RAB3B: variants seen among roughly 807,000 people sequenced by gnomAD.
RAB3B encodes ras-related protein Rab-3B.
RAB3B carries 11 observed loss-of-function variants against 20.5 expected under a neutral mutation model. The ratio of observed to expected loss-of-function variants is 0.54; its 90% confidence interval spans 0.34 to 0.89. The LOEUF is 0.89. Among genes scored for constraint, RAB3B ranks in the 40% least tolerant of loss-of-function variants. The pLI is 0.02. For synonymous variants in RAB3B, 99 were observed against 106.3 expected (o/e 0.93, Z 0.42); for missense variants, 225 against 280.9 (o/e 0.80, Z 1.42).
intron 2 of RAB3B, among the ~76,000 whole-genome samples, chr1:51,956,457 A>T (rs1325159724): frequency 6.6e-6 from 1 of 152,142 alleles, no homozygotes; most frequent in Admixed American, 6.5e-5. Flanking sequence ...TTAACCCCTA[A>T]GTTATACTGC....
intron 2 of RAB3B, 139 bp downstream of exon 2, chr1:51,976,751 C>T: frequency 1.4e-6 from 1 of 721,226 alleles, no homozygotes; most frequent in Non-Finnish European, 2.3e-6. Flanking sequence ...AGAGGGTAGC[C>T]CAGGGGCCAC....
intron 1 of RAB3B, among the ~76,000 whole-genome samples, chr1:51,988,841 A>G (rs1685181568): frequency 1.3e-5 from 2 of 151,950 alleles, no homozygotes; most frequent in South Asian, 2.1e-4. Flanking sequence ...CTGAAGATCT[A>G]TTTCTTGGAC....
At chr1:51,926,332 A>G (rs1684243623) in intron 4 of RAB3B, among the ~76,000 whole-genome samples, 1 of 152,194 alleles carries the variant, frequency 6.6e-6, no homozygotes, top group Non-Finnish European at 1.5e-5. Flanking sequence ...TGCCTGCAAG[A>G]GATTTTATAC....
At chr1:51,954,360 G>A (rs1436394259) in intron 2 of RAB3B, among the ~76,000 whole-genome samples, 1 of 152,174 alleles carries the variant, frequency 6.6e-6, no homozygotes, top group South Asian at 2.1e-4. Flanking sequence ...AAAATTCATA[G>A]AGAAGAAACT....
chr1:51,936,219 G>A (rs946419936), intron 3 of RAB3B, among the ~76,000 whole-genome samples: 3 of 152,106 alleles, frequency 2.0e-5, no homozygotes, highest in African/African-American at 4.8e-5. Context: ...ATCTGAGCAG[G>A]GACACTGGGT....
chr1:51,911,299 C>A lies in RAB3B; in HGVS notation c.*8628G>T, dbSNP rs572194476. ...CAGGTACAAGAAGAGAGGATGGAGA[C>A]GAGGGTAGGCTTCTTTTCAGATTAT... On this transcript the variant is annotated 3_prime_UTR_variant, in exon 5 of 5. Transcript: ENST00000371655. 1 of 152,110 alleles carries A rather than the reference C, an allele frequency of 6.6e-6. No individual in the cohort carries two copies. The highest frequency in any genetic ancestry group is 1.5e-5 in the Non-Finnish European group (1 of 68,038). 9.4% of individuals were successfully genotyped at this position (152,110 alleles called of 1,614,324 possible). A position where few individuals can be genotyped will look rare whatever the true frequency, so the allele number is the denominator to read the frequency against.
intron 2 of RAB3B, among the ~76,000 whole-genome samples, chr1:51,959,882 A>G (rs764317617): frequency 2.6e-5 from 4 of 152,236 alleles, no homozygotes; most frequent in Non-Finnish European, 4.4e-5. Context: ...AAACTGTTCT[A>G]AAAAATAAAG....
At chr1:51,957,486 A>G (rs1571971113) in intron 2 of RAB3B, among the ~76,000 whole-genome samples, 2 of 152,354 alleles carry the variant, frequency 1.3e-5, no homozygotes, top group South Asian at 4.1e-4. Context: ...TAGCTTTGCC[A>G]CTTCTTGGCA....
intron 4 of RAB3B, among the ~76,000 whole-genome samples, chr1:51,932,538 A>G (rs1482106362): frequency 6.6e-6 from 1 of 152,218 alleles, no homozygotes; most frequent in Non-Finnish European, 1.5e-5. Context: ...TTAAGCTTGG[A>G]AAAAGTCAGG....
intron 1 of RAB3B, among the ~76,000 whole-genome samples, chr1:51,978,652 TG>T (rs1223413347): frequency 1.3e-5 from 2 of 152,250 alleles, no homozygotes; most frequent in African/African-American, 4.8e-5. Context: ...TCAGGTACCC[TG>T]CTTCTCCACC....
intron 1 of RAB3B, among the ~76,000 whole-genome samples, chr1:51,979,725 G>A (rs533539641): frequency 1.3e-5 from 2 of 152,040 alleles, no homozygotes; most frequent in Admixed American, 1.3e-4. Context: ...ATTATATTAT[G>A]CAAAAGTGTA....
chr1:51,945,664 C>T (rs1036816408), intron 2 of RAB3B, among the ~76,000 whole-genome samples: 1 of 152,224 alleles, frequency 6.6e-6, no homozygotes, highest in East Asian at 1.9e-4. Flanking sequence ...GTTCCAGGAG[C>T]AGGGCCAGCT....
intron 2 of RAB3B, among the ~76,000 whole-genome samples, chr1:51,938,005 T>C (rs1436195547): frequency 2.0e-5 from 3 of 147,374 alleles, no homozygotes; most frequent in Admixed American, 1.3e-4. Context: ...TCTTTTTTTT[T>C]TTTTTTTTTT....
At chr1:51,940,781 G>C (rs1285570593) in intron 2 of RAB3B, among the ~76,000 whole-genome samples, 3 of 152,076 alleles carry the variant, frequency 2.0e-5, no homozygotes, top group African/African-American at 7.2e-5. Context: ...AAACAACAAG[G>C]TTTTATTTTT....
At chr1:51,985,500 G>A in intron 1 of RAB3B, among the ~76,000 whole-genome samples, 1 of 152,054 alleles carries the variant, frequency 6.6e-6, no homozygotes, top group Non-Finnish European at 1.5e-5. Flanking sequence ...AGAATTAGAG[G>A]GGACTTTGGA....
At chr1:51,975,765 G>C (rs1684999306) in intron 2 of RAB3B, among the ~76,000 whole-genome samples, 1 of 152,112 alleles carries the variant, frequency 6.6e-6, no homozygotes, top group Non-Finnish European at 1.5e-5. Flanking sequence ...AGGCCGAGGT[G>C]GGCGGATCAC....
chr1:51,912,099 CTTTTT>C lies in RAB3B; in HGVS notation c.*7823_*7827del, dbSNP rs977769271. ...TTCTCTTCATTTCTTTCCTTTTCTTCTTTTTTTTCTTTCTTTCTTTCTTTTTTTTT... is the reference window on the plus strand; with the variant it reads ...TTCTCTTCATTTCTTTCCTTTTCTTCTTTCTTTCTTTCTTTCTTTTTTTTT... On this transcript the variant is annotated 3_prime_UTR_variant, in exon 5 of 5. Coordinates refer to ENST00000371655, the MANE Select transcript of RAB3B (RefSeq NM_002867.4). The C allele has an allele frequency of 6.7e-6, 1 of 148,560 alleles. No homozygotes were observed. Among genetic ancestry groups the C allele is most frequent in the African/African-American group, 2.5e-5 (1 of 40,424 alleles). The allele number at this position is 148,560 out of a possible 1,614,324, so 9.2% of individuals were successfully genotyped here. A position where few individuals can be genotyped will look rare whatever the true frequency, so the allele number is the denominator to read the frequency against.
At position 51,914,262 on chromosome 1, in the gene RAB3B, TA is replaced by T. The variant is rs1335362710; in HGVS notation, c.*5664del. On this transcript the variant is annotated 3_prime_UTR_variant, in exon 5 of 5. Coordinates refer to ENST00000371655, the MANE Select transcript of RAB3B (RefSeq NM_002867.4). Reference sequence around the variant, plus strand: ...TTGATCAGTCATCAAAGGTTAGTACTAAAAGGTGAAAGCTTAGTTGAGGAAT... The same window carrying T: ...TTGATCAGTCATCAAAGGTTAGTACTAAAGGTGAAAGCTTAGTTGAGGAAT... 6.6e-6 allele frequency: 1 copy of T among 152,192 alleles called. No individual in the cohort carries two copies. Among genetic ancestry groups the T allele is most frequent in the Non-Finnish European group, 1.5e-5 (1 of 68,048 alleles). The allele number at this position is 152,192 out of a possible 1,614,324, so 9.4% of individuals were successfully genotyped here.
chr1:51,937,504 T>C (rs1294701879), intron 2 of RAB3B, 92 bp from the exon 3 acceptor site: 1 of 737,912 alleles, frequency 1.4e-6, no homozygotes, highest in African/African-American at 1.8e-5. Flanking sequence ...CCCAAGACAT[T>C]TTTTTTTTTT....
Sources: allele counts gnomAD v4.1 joint callset (sites outside exome capture counted in the v4.1 genomes callset), GRCh38; gene constraint gnomAD v4.1.1; transcripts MANE v1.5; gene names NCBI Gene and HGNC (gene_info 2026-07-23, HGNC 2026-07-21).